Variants in NCKAP5 observed in about 807,000 individuals in gnomAD.
The protein encoded by NCKAP5 is nck-associated protein 5.
NCKAP5 carries 92 observed loss-of-function variants against 167.0 expected under a neutral mutation model. That is an observed-to-expected ratio of 0.55 (90% CI 0.47 to 0.66). The LOEUF is 0.66. NCKAP5 is among the 30% of genes least tolerant of loss of function. The pLI, the probability that NCKAP5 is intolerant of heterozygous loss-of-function variation, is 0.00. For missense variants in NCKAP5, 2,378 were observed against 2,315.0 expected, an observed-to-expected ratio of 1.03 and a Z score of -0.56; for synonymous variants, 891 against 877.4, an observed-to-expected ratio of 1.02 and a Z score of -0.27.
At chr2:132,796,398 T>C (rs1279516972) in intron 12 of NCKAP5, among the ~76,000 whole-genome samples, 1 of 152,176 alleles carries the variant, frequency 6.6e-6, no homozygotes, top group Non-Finnish European at 1.5e-5. Flanking sequence ...AAAAGGTATC[T>C]TGGGGACAAA....
chr2:132,683,173 C>T lies in NCKAP5; in HGVS notation c.5714-9868G>A, dbSNP rs181126478. Among the ~76,000 whole-genome samples the T allele has an allele frequency of 2.0e-3, 309 of 152,046 alleles. 1 individual carries two copies. The highest frequency in any genetic ancestry group is 7.1e-3 in the African/African-American group (296 of 41,506). Reference sequence around the variant, plus strand: ...TGCTGGGATTACAGGCGTGAACCACCGCACATAAAGATAGTCTATAGATGG... The same window carrying T: ...TGCTGGGATTACAGGCGTGAACCACTGCACATAAAGATAGTCTATAGATGG... On this transcript the variant is annotated intron_variant, in intron 19 of 19. Coordinates refer to ENST00000409261, the MANE Select transcript of NCKAP5 (RefSeq NM_207363.3).
intron 6 of NCKAP5, among the ~76,000 whole-genome samples, chr2:132,997,957 A>G (rs1358091712): frequency 6.6e-6 from 1 of 152,156 alleles, no homozygotes; most frequent in African/African-American, 2.4e-5. Flanking sequence ...ACAAGGAAGT[A>G]ATGACAATGG....
chr2:133,177,209 T>C (rs1318837268), intron 5 of NCKAP5, among the ~76,000 whole-genome samples: 1 of 146,076 alleles, frequency 6.8e-6, no homozygotes, highest in African/African-American at 2.5e-5. Flanking sequence ...TTCTGTAAAA[T>C]GCATGTTTTC....
chr2:132,710,221 T>C (rs1688718743), intron 19 of NCKAP5, among the ~76,000 whole-genome samples: 1 of 152,142 alleles, frequency 6.6e-6, no homozygotes. Context: ...TAAAGACAAC[T>C]TCCACAACCT....
intron 6 of NCKAP5, among the ~76,000 whole-genome samples, chr2:133,083,263 T>C (rs1336603468): frequency 6.6e-6 from 1 of 152,176 alleles, no homozygotes; most frequent in Non-Finnish European, 1.5e-5. Context: ...ACCTTAGGTA[T>C]TCCCAGAGTC....
At chr2:132,910,080 C>G (rs1252372295) in intron 8 of NCKAP5, among the ~76,000 whole-genome samples, 1 of 151,996 alleles carries the variant, frequency 6.6e-6, no homozygotes, top group African/African-American at 2.4e-5. Context: ...TTTTCTGATA[C>G]CAGCAACCAT....
At chr2:132,830,512 G>A (rs546749896) in intron 11 of NCKAP5, among the ~76,000 whole-genome samples, 3 of 152,008 alleles carry the variant, frequency 2.0e-5, no homozygotes, top group East Asian at 1.9e-4. Context: ...TGGGAGCTCC[G>A]TGACCACCAG....
intron 6 of NCKAP5, among the ~76,000 whole-genome samples, chr2:133,054,320 T>C (rs1022234712): frequency 6.6e-6 from 1 of 152,146 alleles, no homozygotes. Flanking sequence ...GAAATAACCA[T>C]AGAACAAAGC....
chr2:132,999,415 C>T (rs1243162280), intron 6 of NCKAP5, among the ~76,000 whole-genome samples: 1 of 152,216 alleles, frequency 6.6e-6, no homozygotes, highest in Non-Finnish European at 1.5e-5. Context: ...CCACCTTTGT[C>T]ATTGACCTCC....
At chr2:133,039,913 T>C (rs935379818) in intron 6 of NCKAP5, among the ~76,000 whole-genome samples, 4 of 152,204 alleles carry the variant, frequency 2.6e-5, no homozygotes, top group South Asian at 2.1e-4. Flanking sequence ...TAATGAACCA[T>C]AAAGTGAAGC....
chr2:133,206,099 G>A (rs114530180), intron 5 of NCKAP5, among the ~76,000 whole-genome samples: 3,742 of 152,170 alleles, frequency 0.025, 85 homozygotes, highest in Non-Finnish European at 0.036. Flanking sequence ...AATGACAGAA[G>A]GCGTTCTAGT....
intron 8 of NCKAP5, among the ~76,000 whole-genome samples, chr2:132,962,361 A>T (rs13422713): frequency 6.6e-6 from 1 of 151,942 alleles, no homozygotes; most frequent in Non-Finnish European, 1.5e-5. Flanking sequence ...GAACAGAGGC[A>T]TGGGGAGCCT....
At chr2:133,239,483 C>A (rs2087578875) in intron 4 of NCKAP5, among the ~76,000 whole-genome samples, 1 of 152,158 alleles carries the variant, frequency 6.6e-6, no homozygotes, top group African/African-American at 2.4e-5. Context: ...TACCTCATAT[C>A]TTCCTGTATA....
At chr2:133,581,866 G>A in the NCKAP5 span, among the ~76,000 whole-genome samples, 2 of 152,196 alleles carry the variant, frequency 1.3e-5, no homozygotes, top group Non-Finnish European at 2.9e-5. Context: ...TCTAACGTTA[G>A]CTAGAAATAT....
At chr2:132,824,935 G>A (rs1210812331) in intron 11 of NCKAP5, among the ~76,000 whole-genome samples, 1 of 152,154 alleles carries the variant, frequency 6.6e-6, no homozygotes. Flanking sequence ...GAGATTTTAT[G>A]GTTGTTTGTT....
intron 6 of NCKAP5, among the ~76,000 whole-genome samples, chr2:133,120,445 C>T (rs2082215250): frequency 6.6e-6 from 1 of 152,172 alleles, no homozygotes; most frequent in Non-Finnish European, 1.5e-5. Flanking sequence ...AAATGCACTG[C>T]CTATGGACCA....
At chr2:132,995,695 C>A (rs574263127) in intron 6 of NCKAP5, among the ~76,000 whole-genome samples, 1 of 150,964 alleles carries the variant, frequency 6.6e-6, no homozygotes, top group South Asian at 2.1e-4. Flanking sequence ...ACATTTTTGT[C>A]TGGGCACGGT....
chr2:132,939,577 T>G (rs1697126896), intron 8 of NCKAP5, among the ~76,000 whole-genome samples: 1 of 152,226 alleles, frequency 6.6e-6, no homozygotes, highest in African/African-American at 2.4e-5. Flanking sequence ...TATTTTATTT[T>G]TTCTCAGTTT....
At chr2:133,023,648 G>A (rs903505702) in intron 6 of NCKAP5, among the ~76,000 whole-genome samples, 3 of 152,016 alleles carry the variant, frequency 2.0e-5, no homozygotes, top group African/African-American at 4.8e-5. Flanking sequence ...CTATCTTTGT[G>A]TCCATGTATA....
Sources: allele counts gnomAD v4.1 joint callset (sites outside exome capture counted in the v4.1 genomes callset), GRCh38; gene constraint gnomAD v4.1.1; transcripts MANE v1.5; gene names NCBI Gene and HGNC (gene_info 2026-07-23, HGNC 2026-07-21).